The following ITPK1 variants were observed in gnomAD, a reference collection of about 807,000 sequenced individuals.
ITPK1 encodes inositol 1,3,4-trisphosphate 5/6-kinase.
Under a neutral mutation model 45.3 loss-of-function variants are expected in ITPK1, and 21 were observed. The ratio of observed to expected loss-of-function variants is 0.46; its 90% confidence interval spans 0.33 to 0.67. The LOEUF (loss-of-function observed/expected upper bound fraction) is 0.67. Among genes scored for constraint, ITPK1 ranks in the 30% least tolerant of loss-of-function variants. The pLI, the probability that ITPK1 is intolerant of heterozygous loss-of-function variation, is 0.02. For synonymous variants in ITPK1, 258 were observed against 253.6 expected (o/e 1.02, Z -0.16); for missense variants, 474 against 573.5 (o/e 0.83, Z 1.77).
intron 2 of ITPK1, among the ~76,000 whole-genome samples, chr14:93,098,420 G>A (rs571285936): frequency 2.6e-5 from 4 of 151,012 alleles, no homozygotes; most frequent in South Asian, 2.1e-4. Flanking sequence ...TCACGCTGCC[G>A]CACTCCAACC....
intron 3 of ITPK1, among the ~76,000 whole-genome samples, chr14:93,021,159 G>C (rs1175363019): frequency 6.6e-6 from 1 of 152,092 alleles, no homozygotes; most frequent in Non-Finnish European, 1.5e-5. Context: ...GCTGAAGTCT[G>C]ACTTATTCCT....
chr14:92,962,292 G>T, intron 7 of ITPK1, 63 bp downstream of exon 7: 1 of 1,208,456 alleles, frequency 8.3e-7, no homozygotes, highest in Non-Finnish European at 1.2e-6. Context: ...CAGGGTAGCA[G>T]TGAGACACGA....
Position 92,962,824 on chromosome 14 carries a change from G to A in ITPK1, c.390C>T (p.Phe130=). Residue 130 remains phenylalanine (F), a synonymous_variant, in exon 6 of 11, where the codon TTC becomes TTT. Coordinates refer to ENST00000267615, the MANE Select transcript of ITPK1 (RefSeq NM_014216.6). ...CCCCGCACAGGCTCGTGAGCTCCAT[G>A]AAGGGTGGCGAGCAGATCCTGTCGT... The part of the protein sequence containing the change: ...MEDDRICSPP[F]MELTSLCGDD... 6.2e-7 allele frequency: 1 copy of A among 1,613,660 alleles called. No individual in the cohort carries two copies. The highest frequency in any genetic ancestry group is 1.7e-5 in the Admixed American group (1 of 59,980).
At chr14:92,995,667 C>A (rs997425596) in intron 4 of ITPK1, among the ~76,000 whole-genome samples, 1 of 152,220 alleles carries the variant, frequency 6.6e-6, no homozygotes, top group African/African-American at 2.4e-5. Context: ...TCTCCCTGCA[C>A]ATAAGTGCGA....
At chr14:92,986,260 G>A (rs947435699) in intron 5 of ITPK1, among the ~76,000 whole-genome samples, 8 of 152,184 alleles carry the variant, frequency 5.3e-5, no homozygotes, top group Non-Finnish European at 5.9e-5. Flanking sequence ...GGCTGCTGTT[G>A]GATACCTTCT....
chr14:93,090,859 C>T (rs1419913413), intron 2 of ITPK1, among the ~76,000 whole-genome samples: 4 of 152,228 alleles, frequency 2.6e-5, no homozygotes, highest in African/African-American at 4.8e-5. Flanking sequence ...CAAATCGAAA[C>T]GCTACACTCC....
chr14:93,047,693 G>C (rs954441273), intron 3 of ITPK1, among the ~76,000 whole-genome samples: 1 of 152,256 alleles, frequency 6.6e-6, no homozygotes, highest in African/African-American at 2.4e-5. Context: ...CCAGAACTGA[G>C]AGTGAATTTC....
chr14:92,991,378 C>A (rs912686644), intron 5 of ITPK1, among the ~76,000 whole-genome samples: 2 of 151,732 alleles, frequency 1.3e-5, no homozygotes, highest in Non-Finnish European at 2.9e-5. Context: ...TCGGCGTGCA[C>A]GATAAGGAAA....
At chr14:92,975,558 T>C (rs976229951) in intron 5 of ITPK1, among the ~76,000 whole-genome samples, 1 of 152,198 alleles carries the variant, frequency 6.6e-6, no homozygotes, top group Non-Finnish European at 1.5e-5. Context: ...CATATTTGGT[T>C]AACATTGTTC....
intron 3 of ITPK1, among the ~76,000 whole-genome samples, chr14:93,045,600 C>A (rs769026659): frequency 2.2e-4 from 34 of 152,194 alleles, no homozygotes; most frequent in Non-Finnish European, 4.1e-4. Flanking sequence ...GGCTGAAGTG[C>A]GCTATGATTG....
At chr14:93,040,980 T>C (rs1427688138) in intron 3 of ITPK1, among the ~76,000 whole-genome samples, 1 of 152,182 alleles carries the variant, frequency 6.6e-6, no homozygotes, top group Non-Finnish European at 1.5e-5. Flanking sequence ...ATAGGATGTC[T>C]ATGCACTGAG....
Position 93,012,663 on chromosome 14 carries a change from C to T in ITPK1, c.246+4013G>A, listed in dbSNP as rs1175787404. The stretch of plus-strand genomic sequence containing the variant: ...CCTGGCCAGGAGCTCGCGGGCAGGG[C>T]ACCCAGCAGTGCTGCCGCAGAGGAC... On this transcript the variant is annotated intron_variant, in intron 4 of 10. Coordinates refer to ENST00000267615, the MANE Select transcript of ITPK1 (RefSeq NM_014216.6). This position sits in a 1 kb window ranked among gnomAD's most constrained non-coding sequence, Gnocchi z 4.9. 1.3e-5 allele frequency among the ~76,000 whole-genome samples: 2 copies of T among 152,184 alleles called. No homozygotes were observed. The highest frequency in any genetic ancestry group is 4.8e-5 in the African/African-American group (2 of 41,438).
chr14:92,996,682 G>A (rs1406363662), intron 4 of ITPK1, among the ~76,000 whole-genome samples: 3 of 152,064 alleles, frequency 2.0e-5, no homozygotes, highest in Admixed American at 6.6e-5. Flanking sequence ...AGCCTTCTCC[G>A]CTTCACCCCG....
At chr14:93,089,544 G>C (rs1891785588) in intron 2 of ITPK1, among the ~76,000 whole-genome samples, 1 of 152,068 alleles carries the variant, frequency 6.6e-6, no homozygotes, top group Non-Finnish European at 1.5e-5. Flanking sequence ...CCAATCTGTG[G>C]GGAAGGCAGT....
Position 93,076,760 on chromosome 14 carries a change from T to C in ITPK1, c.96-141A>G. 1 of 911,560 alleles carries C rather than the reference T, an allele frequency of 1.1e-6. No homozygotes were observed. Among genetic ancestry groups the C allele is most frequent in the East Asian group, 2.5e-5 (1 of 40,484 alleles). The allele number at this position is 911,560 out of a possible 1,614,324, so 56.5% of individuals were successfully genotyped here. The stretch of plus-strand genomic sequence containing the variant: ...GGCAGCTGCGCCTCTCCTGCTACTG[T>C]CCCAGAACAGCCATGCCTTCCACTC... On this transcript the variant is annotated intron_variant, in intron 2 of 10. Transcript: ENST00000267615. The surrounding 1 kb of genome is among the most constrained non-coding windows in gnomAD (Gnocchi z 4.3).
intron 5 of ITPK1, 110 bp from the exon 6 acceptor site, chr14:92,962,959 G>A: frequency 3.1e-6 from 2 of 647,534 alleles, no homozygotes; most frequent in Non-Finnish European, 5.4e-6. Context: ...CCACGCTCCT[G>A]GATCTGACCG....
intron 3 of ITPK1, chr14:93,069,799 C>A (rs1423530998): frequency 6.6e-6 from 1 of 152,260 alleles, no homozygotes; most frequent in Non-Finnish European, 1.5e-5. Flanking sequence ...CACCCAACCT[C>A]CTTCCCTGAA....
At chr14:93,060,275 C>G (rs1167313543) in intron 3 of ITPK1, among the ~76,000 whole-genome samples, 1 of 152,200 alleles carries the variant, frequency 6.6e-6, no homozygotes, top group African/African-American at 2.4e-5. Context: ...GCCCACAGCT[C>G]AACAAACAGC....
chr14:93,025,750 C>T (rs1186577624), intron 3 of ITPK1, among the ~76,000 whole-genome samples: 1 of 151,978 alleles, frequency 6.6e-6, no homozygotes, highest in Non-Finnish European at 1.5e-5. Context: ...AGCTTAATAC[C>T]AATAAGATCT....
Sources: gnomAD v4.1 joint callset for allele counts (sites outside exome capture counted in the v4.1 genomes callset) on GRCh38, gnomAD v4.1.1 for gene constraint, Gnocchi (gnomAD v3.1) non-coding constraint, MANE v1.5 for transcripts, NCBI Gene and HGNC (gene_info 2026-07-23, HGNC 2026-07-21) for gene names.